Variants in AKAP19 observed in about 807,000 individuals in gnomAD.
The protein encoded by AKAP19 is small A-kinase anchoring protein.
the AKAP19 span, among the ~76,000 whole-genome samples, chr2:189,949,598 G>A: frequency 3.3e-5 from 5 of 149,758 alleles, no homozygotes; most frequent in Non-Finnish European, 7.4e-5. Context: ...GTATGCATAG[G>A]TAAACCCAAT....
chr2:190,100,072 G>C, the AKAP19 span, among the ~76,000 whole-genome samples: 2 of 152,138 alleles, frequency 1.3e-5, no homozygotes, highest in Admixed American at 6.5e-5. Context: ...GGAGATTACA[G>C]GCTTCAGACT....
the AKAP19 span, among the ~76,000 whole-genome samples, chr2:190,008,313 G>A: frequency 6.6e-6 from 1 of 151,958 alleles, no homozygotes; most frequent in Admixed American, 6.6e-5. Flanking sequence ...ATCATAAAAT[G>A]TTTCAAAAAT....
At chr2:190,067,253 G>T in the AKAP19 span, among the ~76,000 whole-genome samples, 1 of 152,268 alleles carries the variant, frequency 6.6e-6, no homozygotes, top group East Asian at 1.9e-4. Context: ...AAGAATGAGT[G>T]TGAGAAAGGC....
chr2:189,917,271 A>C, the AKAP19 span: 1 of 1,377,874 alleles, frequency 7.3e-7, no homozygotes. Flanking sequence ...CTGTCTGAGC[A>C]AATCAGTTTT....
At chr2:189,937,279 A>G in the AKAP19 span, among the ~76,000 whole-genome samples, 2 of 152,208 alleles carry the variant, frequency 1.3e-5, no homozygotes, top group African/African-American at 4.8e-5. Flanking sequence ...AATGTTCTGT[A>G]TGCTGGTTGT....
At chr2:190,155,043 A>G in the AKAP19 span, among the ~76,000 whole-genome samples, 1,152 of 152,340 alleles carry the variant, frequency 7.6e-3, 22 homozygotes, top group African/African-American at 0.026. Context: ...CTCAGAGTAC[A>G]TGGATGGCTA....
chr2:189,947,246 T>C, the AKAP19 span, among the ~76,000 whole-genome samples: 27,050 of 152,156 alleles, frequency 0.18, 2,465 homozygotes, highest in Middle Eastern at 0.26. Flanking sequence ...CAGTTTGCTC[T>C]CTTAATTTCC....
At chr2:190,016,992 G>T in the AKAP19 span, among the ~76,000 whole-genome samples, 1 of 151,954 alleles carries the variant, frequency 6.6e-6, no homozygotes, top group Non-Finnish European at 1.5e-5. Context: ...ATTTATGATT[G>T]CTATATTCTC....
At chr2:190,115,870 A>G in the AKAP19 span, among the ~76,000 whole-genome samples, 783 of 152,262 alleles carry the variant, frequency 5.1e-3, 11 homozygotes, top group African/African-American at 0.017. Flanking sequence ...CTATTTTCAC[A>G]TGGCTACGCC....
the AKAP19 span, among the ~76,000 whole-genome samples, chr2:190,053,799 GTAAT>G: frequency 6.6e-6 from 1 of 151,900 alleles, no homozygotes; most frequent in Admixed American, 6.6e-5. Flanking sequence ...CTATTTGTAT[GTAAT>G]TAATATACAA....
the AKAP19 span, among the ~76,000 whole-genome samples, chr2:190,144,051 T>A: frequency 7.0e-6 from 1 of 142,630 alleles, no homozygotes; most frequent in African/African-American, 2.5e-5. Flanking sequence ...GGGATAGTAT[T>A]GGGAGATATA....
the AKAP19 span, among the ~76,000 whole-genome samples, chr2:190,039,725 A>C: frequency 6.6e-6 from 1 of 151,716 alleles, no homozygotes; most frequent in African/African-American, 2.4e-5. Context: ...CTTTGTCTTC[A>C]TAAGTTCTTA....
the AKAP19 span, among the ~76,000 whole-genome samples, chr2:190,098,137 G>A: frequency 6.6e-6 from 1 of 152,016 alleles, no homozygotes; most frequent in Non-Finnish European, 1.5e-5. Flanking sequence ...ATGGCATCTC[G>A]AATGGTGAAT....
chr2:189,957,980 G>A, the AKAP19 span, among the ~76,000 whole-genome samples: 1 of 152,092 alleles, frequency 6.6e-6, no homozygotes, highest in Non-Finnish European at 1.5e-5. Flanking sequence ...TTTCAGTAGA[G>A]ACGGGGTTTC....
the AKAP19 span, among the ~76,000 whole-genome samples, chr2:190,076,510 T>C: frequency 6.6e-6 from 1 of 152,256 alleles, no homozygotes. Flanking sequence ...TTTGTTTGTC[T>C]GAAGAAGACA....
chr2:190,163,236 C>G, the AKAP19 span, among the ~76,000 whole-genome samples: 1 of 151,850 alleles, frequency 6.6e-6, no homozygotes, highest in African/African-American at 2.4e-5. Flanking sequence ...AGATCGAGAC[C>G]ATCTTGGCTA....
At chr2:190,150,420 C>T in the AKAP19 span, 1 of 152,212 alleles carries the variant, frequency 6.6e-6, no homozygotes, top group Non-Finnish European at 1.5e-5. Flanking sequence ...CTGTTTTTCA[C>T]TCGGCTCTCC....
At chr2:190,061,093 T>G in the AKAP19 span, among the ~76,000 whole-genome samples, 1 of 152,066 alleles carries the variant, frequency 6.6e-6, no homozygotes, top group Non-Finnish European at 1.5e-5. Flanking sequence ...CACTAACAAT[T>G]TCTTTTATTT....
chr2:189,904,145 GAGT>G, the AKAP19 span, among the ~76,000 whole-genome samples: 1 of 152,028 alleles, frequency 6.6e-6, no homozygotes, highest in Non-Finnish European at 1.5e-5. Flanking sequence ...TACATATGAT[GAGT>G]AGTAGTATCT....
Sources: allele counts gnomAD v4.1 joint callset (sites outside exome capture counted in the v4.1 genomes callset), GRCh38; gene constraint gnomAD v4.1.1; transcripts MANE v1.5; gene names NCBI Gene and HGNC (gene_info 2026-07-23, HGNC 2026-07-21).